POFUT3: variants seen among roughly 807,000 people sequenced by gnomAD.
POFUT3 encodes protein O-fucosyltransferase 3.
chr8:33,402,745 T>G, the POFUT3 span, among the ~76,000 whole-genome samples: 1 of 152,178 alleles, frequency 6.6e-6, no homozygotes. Flanking sequence ...ACATAAATAT[T>G]TTCCAATAAT....
At chr8:33,365,761 T>C in the POFUT3 span, among the ~76,000 whole-genome samples, 14 of 152,312 alleles carry the variant, frequency 9.2e-5, no homozygotes, top group African/African-American at 3.1e-4. Context: ...AAACAACAGA[T>C]GCTGAAGAGG....
the POFUT3 span, among the ~76,000 whole-genome samples, chr8:33,431,609 C>CT: frequency 7.7e-6 from 1 of 129,448 alleles, no homozygotes; most frequent in African/African-American, 2.8e-5. Context: ...TGCATAATTC[C>CT]TTTGAAGGAA....
the POFUT3 span, among the ~76,000 whole-genome samples, chr8:33,400,180 G>A: frequency 6.7e-6 from 1 of 149,336 alleles, no homozygotes; most frequent in Admixed American, 6.7e-5. Context: ...GGCCAGGCGT[G>A]GTGGCTCACG....
At chr8:33,419,543 C>T in the POFUT3 span, among the ~76,000 whole-genome samples, 1 of 152,236 alleles carries the variant, frequency 6.6e-6, no homozygotes, top group Admixed American at 6.5e-5. Context: ...CGCCACTCGC[C>T]TCCTGCTGTG....
At chr8:33,378,126 G>A in the POFUT3 span, among the ~76,000 whole-genome samples, 3 of 152,158 alleles carry the variant, frequency 2.0e-5, no homozygotes, top group African/African-American at 7.2e-5. Flanking sequence ...TCAAAAGGAA[G>A]ATTGGGGGCA....
chr8:33,425,062 G>A, the POFUT3 span, among the ~76,000 whole-genome samples: 746 of 152,290 alleles, frequency 4.9e-3, 9 homozygotes, highest in African/African-American at 0.017. Context: ...CAGAGGCCGG[G>A]TGCTGGCTCA....
At chr8:33,403,993 C>T in the POFUT3 span, among the ~76,000 whole-genome samples, 2 of 152,060 alleles carry the variant, frequency 1.3e-5, no homozygotes, top group African/African-American at 4.8e-5. Context: ...CAGCTCAGCA[C>T]AGCAGACAGG....
the POFUT3 span, chr8:33,388,982 T>C: frequency 6.2e-7 from 1 of 1,614,128 alleles, no homozygotes. Context: ...AAGCCTGATA[T>C]TAGCCCACAC....
chr8:33,323,608 G>A, the POFUT3 span, among the ~76,000 whole-genome samples: 1 of 152,226 alleles, frequency 6.6e-6, no homozygotes, highest in East Asian at 1.9e-4. Flanking sequence ...CACATGTGGT[G>A]GAAGGTTTCA....
At chr8:33,403,298 C>T in the POFUT3 span, among the ~76,000 whole-genome samples, 1 of 150,394 alleles carries the variant, frequency 6.6e-6, no homozygotes, top group African/African-American at 2.4e-5. Context: ...GTATGAGAGA[C>T]AGTGTGTGGA....
the POFUT3 span, among the ~76,000 whole-genome samples, chr8:33,381,297 T>G: frequency 6.6e-6 from 1 of 152,220 alleles, no homozygotes; most frequent in African/African-American, 2.4e-5. Context: ...TATCTTGTCT[T>G]TTAGTCTTTC....
the POFUT3 span, among the ~76,000 whole-genome samples, chr8:33,364,509 A>G: frequency 6.6e-6 from 1 of 152,358 alleles, no homozygotes; most frequent in East Asian, 1.9e-4. Flanking sequence ...ACATGATTGT[A>G]TATTTAGAAA....
At chr8:33,391,024 G>GT in the POFUT3 span, among the ~76,000 whole-genome samples, 1 of 152,024 alleles carries the variant, frequency 6.6e-6, no homozygotes, top group Non-Finnish European at 1.5e-5. Flanking sequence ...AGACCCTTGA[G>GT]TTTTTTTAAA....
At chr8:33,356,357 T>C in the POFUT3 span, among the ~76,000 whole-genome samples, 3 of 152,204 alleles carry the variant, frequency 2.0e-5, no homozygotes, top group East Asian at 3.8e-4. Context: ...TTTTAATGAT[T>C]GCCATTCTAA....
chr8:33,310,082 A>G, the POFUT3 span, among the ~76,000 whole-genome samples: 3 of 152,164 alleles, frequency 2.0e-5, no homozygotes, highest in Non-Finnish European at 4.4e-5. Context: ...CCATTTGAGA[A>G]ACTACTTTCA....
At chr8:33,421,042 G>A in the POFUT3 span, among the ~76,000 whole-genome samples, 35 of 151,950 alleles carry the variant, frequency 2.3e-4, no homozygotes, top group African/African-American at 7.7e-4. Flanking sequence ...AAGAAGAAGG[G>A]ACAAGAACTT....
At chr8:33,367,143 G>C in the POFUT3 span, among the ~76,000 whole-genome samples, 1 of 152,138 alleles carries the variant, frequency 6.6e-6, no homozygotes, top group Non-Finnish European at 1.5e-5. Flanking sequence ...GACATAAACT[G>C]GCCGCAAAAC....
At chr8:33,315,089 G>C in the POFUT3 span, among the ~76,000 whole-genome samples, 1 of 152,164 alleles carries the variant, frequency 6.6e-6, no homozygotes, top group Non-Finnish European at 1.5e-5. Flanking sequence ...GCCTGGCAAA[G>C]AATGTTTATA....
chr8:33,333,142 A>G, the POFUT3 span, among the ~76,000 whole-genome samples: 1 of 152,236 alleles, frequency 6.6e-6, no homozygotes, highest in Non-Finnish European at 1.5e-5. Flanking sequence ...ACTTCCCATT[A>G]GTTCTGCCTC....
Sources: gnomAD v4.1 joint callset for allele counts (sites outside exome capture counted in the v4.1 genomes callset) on GRCh38, gnomAD v4.1.1 for gene constraint, MANE v1.5 for transcripts, NCBI Gene and HGNC (gene_info 2026-07-23, HGNC 2026-07-21) for gene names.